The following GALNTL6 variants were observed in gnomAD, a reference collection of about 807,000 sequenced individuals.
GALNTL6 encodes the protein polypeptide N-acetylgalactosaminyltransferase-like 6.
A neutral mutation model predicts 73.7 loss-of-function variants in GALNTL6; 46 were observed. That is an observed-to-expected ratio of 0.62 (90% CI 0.49 to 0.80). The LOEUF is 0.80. GALNTL6 is among the 30% of genes least tolerant of loss of function. GALNTL6 has a pLI of 0.00. For missense variants in GALNTL6, 604 were observed against 755.0 expected (o/e 0.80, Z 2.34); for synonymous variants, 259 against 263.7 (o/e 0.98, Z 0.17).
chr4:171,876,121 T>C (rs1736269605), intron 2 of GALNTL6, among the ~76,000 whole-genome samples: 1 of 152,174 alleles, frequency 6.6e-6, no homozygotes, highest in Non-Finnish European at 1.5e-5. Flanking sequence ...TTCTGTTCAA[T>C]AAACGGATTC....
At chr4:172,616,932 C>A (rs898160661) in intron 5 of GALNTL6, among the ~76,000 whole-genome samples, 1 of 152,096 alleles carries the variant, frequency 6.6e-6, no homozygotes, top group African/African-American at 2.4e-5. Context: ...TTCCAAGAGT[C>A]TAGAATTTCA....
intron 5 of GALNTL6, among the ~76,000 whole-genome samples, chr4:172,453,498 G>C (rs913568458): frequency 6.6e-6 from 1 of 152,222 alleles, no homozygotes; most frequent in Non-Finnish European, 1.5e-5. Flanking sequence ...AATTACATGA[G>C]TTTTAAATGA....
At chr4:172,907,018 A>G (rs1746933679) in intron 8 of GALNTL6, among the ~76,000 whole-genome samples, 1 of 152,188 alleles carries the variant, frequency 6.6e-6, no homozygotes, top group East Asian at 1.9e-4. Context: ...CAAAGGAAGG[A>G]GATGATACAA....
At chr4:172,280,165 A>G (rs1161663912) in intron 3 of GALNTL6, among the ~76,000 whole-genome samples, 1 of 152,214 alleles carries the variant, frequency 6.6e-6, no homozygotes, top group Non-Finnish European at 1.5e-5. Flanking sequence ...TTGTGCAACA[A>G]CCCAAACATA....
At chr4:172,967,293 T>C (rs1442033724) in intron 10 of GALNTL6, among the ~76,000 whole-genome samples, 4 of 152,240 alleles carry the variant, frequency 2.6e-5, no homozygotes, top group Admixed American at 6.5e-5. Flanking sequence ...GTCGAAATGA[T>C]GCCTGATCAA....
intron 5 of GALNTL6, among the ~76,000 whole-genome samples, chr4:172,792,087 C>G (rs1168348883): frequency 6.6e-6 from 1 of 152,192 alleles, no homozygotes; most frequent in Admixed American, 6.5e-5. Context: ...TTGATAATAT[C>G]AGAACCATTT....
chr4:172,447,762 A>G (rs1229063660), intron 5 of GALNTL6, among the ~76,000 whole-genome samples: 2 of 152,136 alleles, frequency 1.3e-5, no homozygotes, highest in African/African-American at 4.8e-5. Context: ...ATACTGCTTA[A>G]TGTGGGTCAG....
intron 5 of GALNTL6, among the ~76,000 whole-genome samples, chr4:172,577,365 C>T (rs922973661): frequency 1.3e-5 from 2 of 152,128 alleles, no homozygotes; most frequent in African/African-American, 2.4e-5. Context: ...TTGTTCCCTT[C>T]GAATTTTTAT....
chr4:172,844,743 G>C (rs988075918), intron 7 of GALNTL6, among the ~76,000 whole-genome samples: 5 of 152,128 alleles, frequency 3.3e-5, no homozygotes, highest in Admixed American at 3.3e-4. Context: ...TCTCAGGGTA[G>C]GTGCCACAGG....
At chr4:172,381,926 A>C (rs1400292066) in intron 5 of GALNTL6, among the ~76,000 whole-genome samples, 1 of 152,154 alleles carries the variant, frequency 6.6e-6, no homozygotes, top group African/African-American at 2.4e-5. Flanking sequence ...TAAAACCAGA[A>C]ATTTATGAGA....
At chr4:171,997,990 G>C (rs1463141493) in intron 2 of GALNTL6, among the ~76,000 whole-genome samples, 4 of 152,110 alleles carry the variant, frequency 2.6e-5, no homozygotes, top group Non-Finnish European at 4.4e-5. Context: ...ATATCATCCA[G>C]TGTTTTGGGA....
At chr4:172,073,168 T>A (rs1275805666) in intron 2 of GALNTL6, among the ~76,000 whole-genome samples, 1 of 152,192 alleles carries the variant, frequency 6.6e-6, no homozygotes, top group Non-Finnish European at 1.5e-5. Flanking sequence ...TACTTAAATA[T>A]CATCTTTTCA....
chr4:172,052,571 A>G, intron 2 of GALNTL6: 1 of 1,402,160 alleles, frequency 7.1e-7, no homozygotes, highest in South Asian at 1.3e-5. Flanking sequence ...GCAGACCAAG[A>G]CAAGATAGGG....
At chr4:172,031,795 T>C (rs1323459203) in intron 2 of GALNTL6, among the ~76,000 whole-genome samples, 2 of 152,026 alleles carry the variant, frequency 1.3e-5, no homozygotes, top group African/African-American at 2.4e-5. Context: ...GTTGAAATCT[T>C]AATTCCAGTT....
intron 2 of GALNTL6, among the ~76,000 whole-genome samples, chr4:171,955,708 A>G (rs1739022958): frequency 6.6e-6 from 1 of 151,774 alleles, no homozygotes; most frequent in South Asian, 2.1e-4. Context: ...TTTTATCAAT[A>G]ATAGGTTGAA....
At chr4:171,931,391 G>A (rs764910487) in intron 2 of GALNTL6, among the ~76,000 whole-genome samples, 1 of 152,118 alleles carries the variant, frequency 6.6e-6, no homozygotes, top group Non-Finnish European at 1.5e-5. Context: ...GAATTTTACT[G>A]AGCACCCTTG....
At position 172,115,154 on chromosome 4, in the gene GALNTL6, G is replaced by A. The variant is rs186535047; in HGVS notation, c.139-114502G>A. 2.0e-5 allele frequency among the ~76,000 whole-genome samples: 3 copies of A among 152,146 alleles called. 1 individual carries two copies. The East Asian group carries it at 5.8e-4, about 29-fold the overall frequency. ...GATCAACACAAAGTTACCACTTTAT[G>A]TTACATAGAAACATTTAAAATCTTT... On this transcript the variant is annotated intron_variant, in intron 2 of 12. Transcript: ENST00000506823.
intron 2 of GALNTL6, among the ~76,000 whole-genome samples, chr4:172,023,594 C>A (rs1741467544): frequency 1.3e-5 from 2 of 151,722 alleles, no homozygotes; most frequent in Admixed American, 1.3e-4. Flanking sequence ...CAATACATTT[C>A]TTTTCTTTAA....
intron 2 of GALNTL6, among the ~76,000 whole-genome samples, chr4:171,938,246 G>C (rs74432564): frequency 0.012 from 1,777 of 152,228 alleles, 14 homozygotes; most frequent in Non-Finnish European, 0.018. Flanking sequence ...TGTTAAGTGT[G>C]AAATATCTCA....
Sources: gnomAD v4.1 joint callset for allele counts (sites outside exome capture counted in the v4.1 genomes callset) on GRCh38, gnomAD v4.1.1 for gene constraint, MANE v1.5 for transcripts, NCBI Gene and HGNC (gene_info 2026-07-23, HGNC 2026-07-21) for gene names.